The following CLINT1 variants were observed in gnomAD, a reference collection of about 807,000 sequenced individuals.
The protein encoded by CLINT1 is clathrin interacting protein localized in the trans-Golgi region.
A neutral mutation model predicts 70.4 loss-of-function variants in CLINT1; 15 were observed. The ratio of observed to expected loss-of-function variants is 0.21; its 90% CI spans 0.14 to 0.33. The LOEUF (loss-of-function observed/expected upper bound fraction) is 0.33. Among genes scored for constraint, CLINT1 ranks in the 10% least tolerant of loss-of-function variants. The probability of loss-of-function intolerance (pLI) is 1.00; values close to 1 mark genes in which losing one functional copy is unlikely to be tolerated. For synonymous variants in CLINT1, 227 were observed against 254.7 expected, an observed-to-expected ratio of 0.89 and a Z score of 1.04; for missense variants, 615 against 778.1, an observed-to-expected ratio of 0.79 and a Z score of 2.49.
In CLINT1 at chr5:157,800,715, T is replaced by C. The variant is rs561794682; in HGVS notation, c.1012+2935A>G. Among the ~76,000 whole-genome samples the C allele has an allele frequency of 4.6e-5, 7 of 152,332 alleles. No homozygotes were observed. In the East Asian group the frequency reaches 1.3e-3, roughly 29 times the overall value. On this transcript the variant is annotated intron_variant, in intron 8 of 11. Coordinates refer to ENST00000411809, the MANE Select transcript of CLINT1 (RefSeq NM_014666.4). ...TAGATTTCATTCAAACTTTCTCAGTTACTATATTAATATCAATTGCTACTT... is the reference window on the plus strand; with the variant it reads ...TAGATTTCATTCAAACTTTCTCAGTCACTATATTAATATCAATTGCTACTT...
intron 1 of CLINT1, among the ~76,000 whole-genome samples, chr5:157,835,496 C>A (rs1232845354): frequency 1.3e-5 from 2 of 152,050 alleles, no homozygotes; most frequent in Admixed American, 1.3e-4. Context: ...AACATAGCTA[C>A]CTCATATAAC....
At chr5:157,826,829 C>T (rs1293930990) in intron 1 of CLINT1, among the ~76,000 whole-genome samples, 1 of 152,062 alleles carries the variant, frequency 6.6e-6, no homozygotes, top group Admixed American at 6.6e-5. Context: ...CTATTTATAC[C>T]ATACTTTCCC....
In CLINT1 at chr5:157,816,838, A is replaced by G. The variant is rs1762735865; in HGVS notation, c.147-8T>C. On this transcript the variant is annotated splice_region_variant and splice_polypyrimidine_tract_variant and intron_variant, in intron 2 of 11. Transcript: ENST00000411809. ...TCATACATAAATGTAGCCCTGAAAA[A>G]AGAATCATTCTTTAAGAGTCTGCAA... is the stretch of plus-strand genomic sequence containing the variant. The G allele has an allele frequency of 1.3e-6, 2 of 1,590,786 alleles. No homozygotes were observed. Among genetic ancestry groups the G allele is most frequent in the Admixed American group, 3.6e-5 (2 of 55,864 alleles).
chr5:157,828,229 C>T (rs185216866), intron 1 of CLINT1, among the ~76,000 whole-genome samples: 58 of 152,196 alleles, frequency 3.8e-4, no homozygotes, highest in African/African-American at 9.4e-4. Flanking sequence ...AATGCTAAGG[C>T]GTTTTTATTT....
chr5:157,851,091 C>T (rs1167911750), intron 1 of CLINT1, among the ~76,000 whole-genome samples: 3 of 152,164 alleles, frequency 2.0e-5, no homozygotes, highest in Non-Finnish European at 4.4e-5. Flanking sequence ...GGCACCTGGC[C>T]TTGCACTGTT....
rs375960390 is a variant in CLINT1 at position 157,809,754 on chromosome 5, T to G, written c.569A>C (p.Lys190Thr). 152 of 1,613,544 alleles carry G rather than the reference T, an allele frequency of 9.4e-5. No individual in the cohort carries two copies. The highest frequency in any genetic ancestry group is 1.2e-4 in the Non-Finnish European group (144 of 1,179,632). ...ACTGAATGGAAAAGCACTCTTGTTT[T>G]TATCCCACTCCTCATCCCATTTTGA... ...PKSKWDEEWD[K>T]NKSAFPFSDK... Residue 190 changes from lysine to threonine, a missense_variant, in exon 6 of 12, where the codon AAA becomes ACA. Around this residue, in one of 2 missense-constraint regions of CLINT1, gnomAD observed 241 missense variants for 368.6 expected, o/e 0.65. Coordinates refer to ENST00000411809, the MANE Select transcript of CLINT1 (RefSeq NM_014666.4).
intron 8 of CLINT1, among the ~76,000 whole-genome samples, chr5:157,801,519 A>T (rs1010834402): frequency 2.0e-5 from 3 of 151,276 alleles, no homozygotes; most frequent in Non-Finnish European, 4.4e-5. Flanking sequence ...AAAAAAAAAT[A>T]GAGAAAGAAA....
intron 2 of CLINT1, among the ~76,000 whole-genome samples, chr5:157,817,166 C>T (rs1442908964): frequency 6.6e-6 from 1 of 151,984 alleles, no homozygotes; most frequent in African/African-American, 2.4e-5. Flanking sequence ...ATTTTATATG[C>T]ATTTGTCAAA....
chr5:157,820,206 T>C (rs1318079180), intron 1 of CLINT1, among the ~76,000 whole-genome samples: 3 of 152,204 alleles, frequency 2.0e-5, no homozygotes, highest in Non-Finnish European at 4.4e-5. Context: ...CCCAGCACTT[T>C]GGGAGGATGA....
chr5:157,801,054 A>AAATTCTT (rs1762199868), intron 8 of CLINT1, among the ~76,000 whole-genome samples: 1 of 152,256 alleles, frequency 6.6e-6, no homozygotes, highest in African/African-American at 2.4e-5. Flanking sequence ...TTAATTCTAC[A>AAATTCTT]GTTCAAATCT....
At chr5:157,828,886 C>T (rs1763123828) in intron 1 of CLINT1, among the ~76,000 whole-genome samples, 2 of 139,030 alleles carry the variant, frequency 1.4e-5, no homozygotes, top group African/African-American at 2.8e-5. Flanking sequence ...ATCAGGAGTT[C>T]GAGACCAGCC....
chr5:157,791,573 A>C (rs1235649926), intron 10 of CLINT1, 130 bp downstream of exon 10: 2 of 816,424 alleles, frequency 2.4e-6, no homozygotes, highest in Non-Finnish European at 3.9e-6. Flanking sequence ...ATATATACAC[A>C]CACAGACACA....
At chr5:157,858,510 A>G (rs1192201479) in intron 1 of CLINT1, among the ~76,000 whole-genome samples, 2 of 152,206 alleles carry the variant, frequency 1.3e-5, no homozygotes, top group East Asian at 3.9e-4. Flanking sequence ...CTTGAGGGAC[A>G]CAGGGAACCA....
chr5:157,846,712 C>T (rs1466912291), intron 1 of CLINT1, among the ~76,000 whole-genome samples: 1 of 152,220 alleles, frequency 6.6e-6, no homozygotes, highest in Non-Finnish European at 1.5e-5. Flanking sequence ...CAGTGCCTGG[C>T]TTCAAAGCCT....
At chr5:157,820,084 C>G (rs1011160753) in intron 1 of CLINT1, among the ~76,000 whole-genome samples, 3 of 152,138 alleles carry the variant, frequency 2.0e-5, no homozygotes, top group Admixed American at 1.3e-4. Context: ...AGTATATCCA[C>G]AGGAGGATAT....
At chr5:157,848,574 G>A (rs1331609566) in intron 1 of CLINT1, among the ~76,000 whole-genome samples, 2 of 150,562 alleles carry the variant, frequency 1.3e-5, no homozygotes, top group Non-Finnish European at 3.0e-5. Flanking sequence ...CGCTATTTCC[G>A]CTCACTGCAA....
intron 8 of CLINT1, among the ~76,000 whole-genome samples, chr5:157,797,772 T>G (rs1486396013): frequency 1.3e-5 from 2 of 152,202 alleles, no homozygotes; most frequent in Non-Finnish European, 2.9e-5. Flanking sequence ...AACTTCAAAC[T>G]GGTAAGAAAT....
chr5:157,840,482 T>C (rs1473269863), intron 1 of CLINT1, among the ~76,000 whole-genome samples: 2 of 152,016 alleles, frequency 1.3e-5, no homozygotes, highest in East Asian at 1.9e-4. Context: ...AAAAGAATCA[T>C]CCTTATTCTC....
intron 1 of CLINT1, among the ~76,000 whole-genome samples, chr5:157,836,612 C>G (rs1319838115): frequency 2.0e-5 from 3 of 152,220 alleles, no homozygotes; most frequent in Non-Finnish European, 2.9e-5. Flanking sequence ...AAACTCCACA[C>G]AGTGGCTTAC....
Sources: allele counts gnomAD v4.1 joint callset (sites outside exome capture counted in the v4.1 genomes callset), GRCh38; gene constraint gnomAD v4.1.1; regional missense constraint gnomAD v4.1.1; transcripts MANE v1.5; gene names NCBI Gene and HGNC (gene_info 2026-07-23, HGNC 2026-07-21).